HS6ST1: variants seen among roughly 807,000 people sequenced by gnomAD.
The protein encoded by HS6ST1 is heparan sulfate 6-O-sulfotransferase 1.
HS6ST1 carries 3 observed loss-of-function variants against 25.2 expected under a neutral mutation model. That is an observed-to-expected ratio of 0.12 (90% CI 0.05 to 0.31). The LOEUF is 0.31. Ranked by LOEUF, HS6ST1 falls within the 10% of genes least tolerant of loss-of-function variation. HS6ST1 has a pLI of 1.00. For missense variants in HS6ST1, 310 were observed against 609.6 expected (o/e 0.51, Z 5.18); for synonymous variants, 204 against 275.1 (o/e 0.74, Z 2.56).
At chr2:128,274,068 G>A (rs1573690381) in intron 1 of HS6ST1, among the ~76,000 whole-genome samples, 1 of 152,194 alleles carries the variant, frequency 6.6e-6, no homozygotes, top group South Asian at 2.1e-4. Context: ...TGACACCTGG[G>A]ACCCCACAAA....
intron 1 of HS6ST1, among the ~76,000 whole-genome samples, chr2:128,301,324 G>A (rs1198931172): frequency 4.0e-5 from 6 of 151,860 alleles, no homozygotes; most frequent in African/African-American, 1.5e-4. Flanking sequence ...TGGCTCCTGC[G>A]CCCTGTGTGT....
chr2:128,275,427 T>C (rs1171577899), intron 1 of HS6ST1, among the ~76,000 whole-genome samples: 2 of 152,162 alleles, frequency 1.3e-5, no homozygotes, highest in Admixed American at 6.5e-5. Flanking sequence ...AATATGAAGG[T>C]AAACACCGGA....
intron 1 of HS6ST1, among the ~76,000 whole-genome samples, chr2:128,300,144 G>A (rs1021673235): frequency 3.3e-5 from 5 of 152,194 alleles, no homozygotes; most frequent in African/African-American, 1.2e-4. Flanking sequence ...AAAGTTCCAA[G>A]CACACTCCAA....
chr2:128,296,206 A>G (rs1359283337), intron 1 of HS6ST1, among the ~76,000 whole-genome samples: 1 of 152,232 alleles, frequency 6.6e-6, no homozygotes, highest in Non-Finnish European at 1.5e-5. Context: ...AGTGTTTGTA[A>G]TAGAGGCTGA....
At chr2:128,306,783 T>C in intron 1 of HS6ST1, among the ~76,000 whole-genome samples, 1 of 151,892 alleles carries the variant, frequency 6.6e-6, no homozygotes, top group East Asian at 1.9e-4. Flanking sequence ...GCGAAAAGCT[T>C]TATCCATACA....
At position 128,293,289 on chromosome 2, in the gene HS6ST1, A is replaced by G. The variant is rs1188920829; in HGVS notation, c.528-24419T>C. ...TCCTCTTCTGGCCTGGCTCCCCATA[A>G]GCCTGCCCAAGGGCCAGCCTGGGCC... is the stretch of plus-strand genomic sequence containing the variant. On this transcript the variant is annotated intron_variant, in intron 1 of 1. Coordinates refer to ENST00000259241, the MANE Select transcript of HS6ST1 (RefSeq NM_004807.3). Among the ~76,000 whole-genome samples, 3 of 152,202 alleles carry G rather than the reference A, an allele frequency of 2.0e-5. No individual in the cohort carries two copies. In the East Asian group the frequency reaches 5.8e-4, roughly 29 times the overall value.
intron 1 of HS6ST1, among the ~76,000 whole-genome samples, chr2:128,284,238 C>T (rs1165656269): frequency 6.6e-6 from 1 of 152,206 alleles, no homozygotes; most frequent in Non-Finnish European, 1.5e-5. Context: ...ATCTCGGCTC[C>T]ACCCTCCGAT....
At chr2:128,293,736 G>A (rs745635268) in intron 1 of HS6ST1, among the ~76,000 whole-genome samples, 2 of 152,224 alleles carry the variant, frequency 1.3e-5, no homozygotes, top group African/African-American at 2.4e-5. Context: ...AGGAAGGCGA[G>A]TTACATTTAT....
rs575990313 is a variant in HS6ST1 at position 128,275,694 on chromosome 2, C to T, written c.528-6824G>A. Among the ~76,000 whole-genome samples, 16 of 152,294 alleles carry T rather than the reference C, an allele frequency of 1.1e-4. No individual in the cohort carries two copies. The South Asian group carries it at 1.5e-3, about 14-fold the overall frequency. On this transcript the variant is annotated intron_variant, in intron 1 of 1. Coordinates refer to ENST00000259241, the MANE Select transcript of HS6ST1 (RefSeq NM_004807.3). ...CAGGAGAGCGGTGGGAAGGCAAAGC[C>T]GGGCAGCAGCAAGAGTAGGCACGAA...
chr2:128,288,116 A>G (rs1028749076), intron 1 of HS6ST1, among the ~76,000 whole-genome samples: 1 of 152,184 alleles, frequency 6.6e-6, no homozygotes, highest in Non-Finnish European at 1.5e-5. Context: ...CTCCAGAGCC[A>G]TGGCCTCCTC....
chr2:128,277,528 T>C (rs1415224696), intron 1 of HS6ST1, among the ~76,000 whole-genome samples: 2 of 152,124 alleles, frequency 1.3e-5, no homozygotes, highest in Non-Finnish European at 2.9e-5. Flanking sequence ...CTATCTGTAG[T>C]GGGGGTCACC....
In HS6ST1 at chr2:128,293,611, G is replaced by A. The variant is rs550698867; in HGVS notation, c.527+24426C>T. 7.0e-4 allele frequency among the ~76,000 whole-genome samples: 106 copies of A among 152,364 alleles called. 3 individuals carry two copies. The highest frequency in any genetic ancestry group is 3.4e-3 in the Middle Eastern group (1 of 294). On this transcript the variant is annotated intron_variant, in intron 1 of 1. Coordinates refer to ENST00000259241, the MANE Select transcript of HS6ST1 (RefSeq NM_004807.3). The stretch of plus-strand genomic sequence containing the variant: ...TGGGGGATGTTTAGCAAAACCAGGG[G>A]CTGGTATGGCCTGGAGGGCCCGGAG...
intron 1 of HS6ST1, among the ~76,000 whole-genome samples, chr2:128,276,424 C>T (rs1469738327): frequency 6.6e-6 from 1 of 152,196 alleles, no homozygotes; most frequent in African/African-American, 2.4e-5. Context: ...GCGTGAGCCA[C>T]TGAGCCCGGC....
Position 128,311,799 on chromosome 2 carries a change from C to T in HS6ST1, c.527+6238G>A, listed in dbSNP as rs572005513. On this transcript the variant is annotated intron_variant, in intron 1 of 1. Transcript: ENST00000259241. ...CCCACACAGGCTCACAGCACTGCCT[C>T]CTGCAGGGCTGATCCTCCCTGGGCC... Among the ~76,000 whole-genome samples, 4 of 152,258 alleles carry T rather than the reference C, an allele frequency of 2.6e-5. No individual in the cohort carries two copies. In the South Asian group the frequency reaches 8.3e-4, roughly 32 times the overall value.
At chr2:128,278,808 T>C (rs1693735450) in intron 1 of HS6ST1, among the ~76,000 whole-genome samples, 1 of 152,184 alleles carries the variant, frequency 6.6e-6, no homozygotes, top group South Asian at 2.1e-4. Flanking sequence ...TCAGTGGCTG[T>C]CTCGGCAGTG....
At chr2:128,269,532 A>G (rs1693578530) in intron 1 of HS6ST1, among the ~76,000 whole-genome samples, 1 of 152,242 alleles carries the variant, frequency 6.6e-6, no homozygotes, top group Admixed American at 6.5e-5. Flanking sequence ...GCAGGAGCCC[A>G]GCATGAAGCA....
intron 1 of HS6ST1, among the ~76,000 whole-genome samples, chr2:128,277,471 CCAGT>C (rs1309658186): frequency 2.0e-5 from 3 of 152,362 alleles, no homozygotes; most frequent in East Asian, 3.9e-4. Flanking sequence ...CTACCACCAT[CCAGT>C]CAGTGAGCAG....
At chr2:128,307,629 G>T (rs1272717257) in intron 1 of HS6ST1, among the ~76,000 whole-genome samples, 1 of 152,226 alleles carries the variant, frequency 6.6e-6, no homozygotes, top group Non-Finnish European at 1.5e-5. Flanking sequence ...ACGTGAACAG[G>T]TCGGTGGAAG....
intron 1 of HS6ST1, among the ~76,000 whole-genome samples, chr2:128,306,283 C>T (rs746659119): frequency 9.9e-5 from 15 of 152,184 alleles, no homozygotes; most frequent in Non-Finnish European, 1.5e-4. Context: ...CAACTGTGGT[C>T]GGGCTGGAGG....
Sources: gnomAD v4.1 joint callset for allele counts (sites outside exome capture counted in the v4.1 genomes callset) on GRCh38, gnomAD v4.1.1 for gene constraint, MANE v1.5 for transcripts, NCBI Gene and HGNC (gene_info 2026-07-23, HGNC 2026-07-21) for gene names.